The following GPALPP1 variants were observed in gnomAD, a reference collection of about 807,000 sequenced individuals.
GPALPP1 encodes the protein GPALPP motifs containing 1.
GPALPP1 carries 30 observed loss-of-function variants against 38.9 expected under a neutral mutation model. That is an observed-to-expected ratio of 0.77 (90% CI 0.58 to 1.05). GPALPP1 has a LOEUF of 1.05. Ranked by LOEUF, GPALPP1 falls within the 50% of genes least tolerant of loss-of-function variation. The pLI is 0.00. For synonymous variants in GPALPP1, 120 were observed against 139.2 expected (o/e 0.86, Z 0.97); for missense variants, 384 against 408.8 (o/e 0.94, Z 0.52).
exon 8 of GPALPP1, chr13:45,037,508 G>A (rs1406340843): frequency 6.6e-6 from 1 of 152,148 alleles, no homozygotes; most frequent in East Asian, 1.9e-4. Context: ...TCTAGAAATT[G>A]TGCTTATTCT....
rs1323078413 is a variant in GPALPP1 at position 45,001,062 on chromosome 13, TA to T, written c.89-3242del. 3.3e-5 allele frequency among the ~76,000 whole-genome samples: 5 copies of T among 152,218 alleles called. No individual in the cohort carries two copies. The East Asian group carries it at 9.6e-4, about 29-fold the overall frequency. On this transcript the variant is annotated intron_variant, in intron 1 of 7. Transcript: ENST00000379151. ...TCCCCACCCAAATCTCATCTTGAAT[TA>T]TAGTTTCCATAATCCCTACATGTTG...
At chr13:44,999,432 G>T (rs1223757415) in intron 1 of GPALPP1, among the ~76,000 whole-genome samples, 2 of 152,152 alleles carry the variant, frequency 1.3e-5, no homozygotes, top group Non-Finnish European at 2.9e-5. Flanking sequence ...CTTTAGGAGA[G>T]ATATGGAATA....
At chr13:45,016,460 A>C (rs1874876181) in intron 6 of GPALPP1, among the ~76,000 whole-genome samples, 1 of 152,170 alleles carries the variant, frequency 6.6e-6, no homozygotes, top group Middle Eastern at 3.2e-3. Context: ...TCTCAAAAAA[A>C]AACAAAAAAA....
chr13:45,014,931 G>C, intron 4 of GPALPP1, 21 bp from the exon 5 acceptor site: 1 of 1,551,770 alleles, frequency 6.4e-7, no homozygotes, highest in South Asian at 1.3e-5. Context: ...TTGGTTTAAA[G>C]GTAATGTCTT....
exon 8 of GPALPP1, chr13:45,037,250 T>C (rs1876420860): frequency 6.6e-6 from 1 of 152,202 alleles, no homozygotes. Context: ...GAGATGAAAA[T>C]AAACTTGTTC....
Position 44,989,756 on chromosome 13 carries a change from T to A in GPALPP1, c.88+14T>A. The A allele has an allele frequency of 6.3e-7, 1 of 1,592,602 alleles. No individual in the cohort carries two copies. The highest frequency in any genetic ancestry group is 8.6e-7 in the Non-Finnish European group (1 of 1,168,154). On this transcript the variant is annotated intron_variant, in intron 1 of 7. Transcript: ENST00000379151. ...ACCCGAGCCCTGGTAAGCGGCGGCG[T>A]CTCCGCTGCCCACCAGGCCCATCTA...
At chr13:45,025,021 G>A (rs919731769) in intron 7 of GPALPP1, among the ~76,000 whole-genome samples, 4 of 151,936 alleles carry the variant, frequency 2.6e-5, no homozygotes, top group African/African-American at 4.8e-5. Flanking sequence ...AATAAGACAG[G>A]TTTCATACAA....
intron 4 of GPALPP1, among the ~76,000 whole-genome samples, chr13:45,012,831 A>G (rs974944280): frequency 4.6e-5 from 7 of 152,190 alleles, no homozygotes; most frequent in African/African-American, 1.4e-4. Flanking sequence ...TCTTTGCCTC[A>G]TTCCCGGCAT....
At position 44,990,620 on chromosome 13, in the gene GPALPP1, G is replaced by A. The variant is rs147570723; in HGVS notation, c.88+878G>A. 2.8e-3 allele frequency among the ~76,000 whole-genome samples: 424 copies of A among 152,240 alleles called. 3 individuals carry two copies. The South Asian group carries it at 0.03, about 11-fold the overall frequency. The stretch of plus-strand genomic sequence containing the variant: ...CGGATTCCGGCATGCATACCTATCT[G>A]CTTTAATGTTTATTCACATTTGTAG... On this transcript the variant is annotated intron_variant, in intron 1 of 7. Transcript: ENST00000379151.
At chr13:45,008,183 ACC>A (rs1368617185) in intron 3 of GPALPP1, among the ~76,000 whole-genome samples, 1 of 152,182 alleles carries the variant, frequency 6.6e-6, no homozygotes, top group Non-Finnish European at 1.5e-5. Context: ...TTAGCACGGT[ACC>A]CTTTTCCCTT....
rs1873913056 is a variant in GPALPP1, at chr13:45,004,311, G to A, written c.95G>A (p.Gly32Glu). Residue 32 changes from glycine (G) to glutamate (E), a missense_variant, in exon 2 of 8, where the codon GGA becomes GAA. Gly to Glu is a moderately conservative substitution (Grantham distance 98). Coordinates refer to ENST00000379151, the MANE Select transcript of GPALPP1 (RefSeq NM_018559.5). Reference protein sequence around the residue: ...DEERDPSPVAGPALPPNYKSS... With the variant: ...DEERDPSPVAEPALPPNYKSS... ...AACAACAAGTGTTCTTTAGTTGCAGGACCAGCTCTGCCCCCTAATTATAAA... is the reference window on the plus strand; with the variant it reads ...AACAACAAGTGTTCTTTAGTTGCAGAACCAGCTCTGCCCCCTAATTATAAA... 2.5e-6 allele frequency: 4 copies of A among 1,611,638 alleles called. No homozygotes were observed. The highest frequency in any genetic ancestry group is 1.7e-5 in the Admixed American group (1 of 59,836).
exon 8 of GPALPP1, chr13:45,035,381 A>C (rs1876374140): frequency 6.6e-6 from 1 of 152,250 alleles, no homozygotes; most frequent in South Asian, 2.1e-4. Flanking sequence ...ATTCACTCTT[A>C]GGCCCTTGCT....
Position 45,004,399 on chromosome 13 carries a change from T to C in GPALPP1, c.183T>C (p.Asn61=). 6.2e-7 allele frequency: 1 copy of C among 1,609,776 alleles called. No individual in the cohort carries two copies. The part of the protein sequence containing the change: ...EDSSSLYEEG[N]QESEEDDSGP... ...GTAGTTCTTTGTACGAAGAAGGAAA[T>C]CAAGAATCTGAAGAAGATGACAGTG... Residue 61 remains asparagine, a synonymous_variant, in exon 2 of 8, where the codon AAT becomes AAC. Transcript: ENST00000379151.
At chr13:45,014,543 A>G (rs891703140) in intron 4 of GPALPP1, among the ~76,000 whole-genome samples, 1 of 152,236 alleles carries the variant, frequency 6.6e-6, no homozygotes, top group African/African-American at 2.4e-5. Flanking sequence ...ACAAGGATCA[A>G]ATGAGGTATA....
At chr13:45,024,172 T>TGC (rs1309164445) in intron 7 of GPALPP1, among the ~76,000 whole-genome samples, 36 of 132,444 alleles carry the variant, frequency 2.7e-4, no homozygotes, top group African/African-American at 4.9e-4. Flanking sequence ...TGTGTGTGTG[T>TGC]GTGTGTGTGT....
exon 8 of GPALPP1, chr13:45,037,343 T>C (rs1468193778): frequency 1.3e-5 from 2 of 152,204 alleles, no homozygotes; most frequent in Non-Finnish European, 2.9e-5. Flanking sequence ...AGGTAATGGC[T>C]GAAAGCAACA....
intron 3 of GPALPP1, among the ~76,000 whole-genome samples, chr13:45,008,468 G>A (rs1874253141): frequency 6.6e-6 from 1 of 152,118 alleles, no homozygotes; most frequent in African/African-American, 2.4e-5. Flanking sequence ...ACAGATTTTA[G>A]TACATCAATT....
exon 8 of GPALPP1, chr13:45,035,481 A>C (rs1876377645): frequency 6.6e-6 from 1 of 152,254 alleles, no homozygotes; most frequent in South Asian, 2.1e-4. Flanking sequence ...CCTATACTTT[A>C]TCATCAAAAC....
In GPALPP1 at chr13:45,024,308, GTT is replaced by G. The variant is rs1299376963; in HGVS notation, c.805-3474_805-3473del. On this transcript the variant is annotated intron_variant, in intron 7 of 7. Transcript: ENST00000379151. Reference sequence around the variant, plus strand: ...TGTGTGTGTGTGTGTGTGTGTGTGTGTTTTGAGACTGAGTCTCGCTCTGCTCC... The same window carrying G: ...TGTGTGTGTGTGTGTGTGTGTGTGTGTTGAGACTGAGTCTCGCTCTGCTCC... Among the ~76,000 whole-genome samples, 126 of 140,798 alleles carry G rather than the reference GTT, an allele frequency of 8.9e-4. 10 individuals carry two copies. The highest frequency in any genetic ancestry group is 3.0e-3 in the African/African-American group (110 of 36,662). The allele number at this position is 140,798 out of a possible 152,430, so 92.4% of individuals were successfully genotyped here.
Sources: gnomAD v4.1 joint callset for allele counts (sites outside exome capture counted in the v4.1 genomes callset) on GRCh38, gnomAD v4.1.1 for gene constraint, MANE v1.5 for transcripts, NCBI Gene and HGNC (gene_info 2026-07-23, HGNC 2026-07-21) for gene names.